LURAP1: variants seen among roughly 807,000 people sequenced by gnomAD.
The protein encoded by LURAP1 is leucine rich adaptor protein 1, also known as NF-kappa-B activator C1orf190.
In LURAP1, 14 loss-of-function variants were observed where a neutral mutation model predicts 19.0. The observed-to-expected ratio is 0.74, with a 90% CI of 0.49 to 1.15. The LOEUF is 1.15. LURAP1 is among the 50% of genes most tolerant of loss of function. LURAP1 has a pLI of 0.00. For synonymous variants in LURAP1, 129 were observed against 131.8 expected, an observed-to-expected ratio of 0.98 and a Z score of 0.14; for missense variants, 273 against 309.1, an observed-to-expected ratio of 0.88 and a Z score of 0.87.
At chr1:46,212,019 C>T (rs960245077) in intron 1 of LURAP1, among the ~76,000 whole-genome samples, 2 of 152,146 alleles carry the variant, frequency 1.3e-5, no homozygotes, top group Non-Finnish European at 2.9e-5. Flanking sequence ...ACCTCGACCT[C>T]CCAAAGTGCC....
intron 1 of LURAP1, among the ~76,000 whole-genome samples, chr1:46,215,711 C>G (rs1659043067): frequency 6.6e-6 from 1 of 152,120 alleles, no homozygotes. Flanking sequence ...CCAGCCTGGG[C>G]AACATAGTGA....
chr1:46,206,906 A>C (rs931253770), intron 1 of LURAP1, among the ~76,000 whole-genome samples: 1 of 152,164 alleles, frequency 6.6e-6, no homozygotes, highest in African/African-American at 2.4e-5. Context: ...GAACATTTCT[A>C]GTACAGGATG....
intron 1 of LURAP1, among the ~76,000 whole-genome samples, chr1:46,215,628 A>G (rs1659040710): frequency 6.6e-6 from 1 of 152,226 alleles, no homozygotes; most frequent in Non-Finnish European, 1.5e-5. Context: ...GCTGGGTGCC[A>G]TGGCACATGC....
At chr1:46,213,247 AAC>A (rs1263716569) in intron 1 of LURAP1, among the ~76,000 whole-genome samples, 4 of 151,482 alleles carry the variant, frequency 2.6e-5, no homozygotes, top group African/African-American at 7.2e-5. Flanking sequence ...ATAAGATTAT[AAC>A]ACAGCATATA....
intron 1 of LURAP1, 114 bp from the exon 2 acceptor site, chr1:46,219,585 C>A: frequency 8.5e-7 from 1 of 1,171,224 alleles, no homozygotes; most frequent in Non-Finnish European, 1.2e-6. Flanking sequence ...CGTTATAATT[C>A]CATCCGTCTT....
At chr1:46,214,603 C>T (rs952760108) in intron 1 of LURAP1, among the ~76,000 whole-genome samples, 2 of 152,036 alleles carry the variant, frequency 1.3e-5, no homozygotes, top group African/African-American at 4.8e-5. Flanking sequence ...TGTGGTGGCT[C>T]ATGCCTGTAA....
intron 1 of LURAP1, among the ~76,000 whole-genome samples, chr1:46,212,181 G>A (rs1431837770): frequency 6.6e-6 from 1 of 152,152 alleles, no homozygotes; most frequent in Admixed American, 6.5e-5. Context: ...TACTGTGTTT[G>A]TGTGACCTGC....
At position 46,212,054 on chromosome 1, in the gene LURAP1, A is replaced by G. The variant is rs72897097; in HGVS notation, c.199-7645A>G. Reference sequence around the variant, plus strand: ...CGGGATTACAGGAGTGAGCTACCACACCTGGCCTCAATGTACAAATATTAA... The same window carrying G: ...CGGGATTACAGGAGTGAGCTACCACGCCTGGCCTCAATGTACAAATATTAA... On this transcript the variant is annotated intron_variant, in intron 1 of 1. Coordinates refer to ENST00000371980, the MANE Select transcript of LURAP1 (RefSeq NM_001013615.3). Among the ~76,000 whole-genome samples, 1,260 of 152,174 alleles carry G rather than the reference A, an allele frequency of 8.3e-3. 20 individuals carry two copies. The highest frequency in any genetic ancestry group is 0.037 in the Middle Eastern group (11 of 294).
intron 1 of LURAP1, 100 bp downstream of exon 1, chr1:46,203,724 A>T (rs922799032): frequency 2.5e-6 from 3 of 1,176,870 alleles, no homozygotes; most frequent in Admixed American, 5.5e-5. Context: ...GAGGTAGTTA[A>T]AACTCTCCAC....
chr1:46,208,063 T>C (rs1658775252), intron 1 of LURAP1, among the ~76,000 whole-genome samples: 1 of 151,990 alleles, frequency 6.6e-6, no homozygotes, highest in African/African-American at 2.4e-5. Context: ...TTTCACCACG[T>C]TGGCCAGGCT....
At chr1:46,217,263 GAATA>G (rs1038589662) in intron 1 of LURAP1, among the ~76,000 whole-genome samples, 3 of 152,134 alleles carry the variant, frequency 2.0e-5, no homozygotes, top group African/African-American at 7.2e-5. Flanking sequence ...TCAGAAGATG[GAATA>G]GATAGAACGT....
At chr1:46,206,227 G>T (rs1458801539) in intron 1 of LURAP1, among the ~76,000 whole-genome samples, 1 of 152,226 alleles carries the variant, frequency 6.6e-6, no homozygotes, top group African/African-American at 2.4e-5. Flanking sequence ...GTCTTGAGCA[G>T]CACTCTGTCT....
intron 1 of LURAP1, among the ~76,000 whole-genome samples, chr1:46,214,325 G>A (rs1658994403): frequency 6.7e-6 from 1 of 149,352 alleles, no homozygotes; most frequent in Admixed American, 6.7e-5. Context: ...CAGCCTGGGT[G>A]ACAGAATGAC....
intron 1 of LURAP1, among the ~76,000 whole-genome samples, chr1:46,216,466 C>T (rs1659075237): frequency 1.3e-5 from 2 of 152,086 alleles, no homozygotes; most frequent in South Asian, 2.1e-4. Flanking sequence ...CTCAGCCTCC[C>T]GAGGAGCTGG....
chr1:46,205,243 G>A (rs560008170), intron 1 of LURAP1, among the ~76,000 whole-genome samples: 1 of 152,002 alleles, frequency 6.6e-6, no homozygotes, highest in Admixed American at 6.6e-5. Flanking sequence ...GGGTGACAGA[G>A]CTCAGAGCTA....
Position 46,220,280 on chromosome 1 carries a change from C to A in LURAP1, c.*60C>A, listed in dbSNP as rs1659200700. 3 of 1,500,188 alleles carry A rather than the reference C, an allele frequency of 2.0e-6. No individual in the cohort carries two copies. The highest frequency in any genetic ancestry group is 2.3e-5 in the East Asian group (1 of 44,018). 92.9% of individuals were successfully genotyped at this position (1,500,188 alleles called of 1,614,324 possible). A position where few individuals can be genotyped will look rare whatever the true frequency, so the allele number is the denominator to read the frequency against. ...TTTATCCATTAGATGTGGTCTCCCC[C>A]AAAATTGATTCTCCCTCAGTCTGAG... On this transcript the variant is annotated 3_prime_UTR_variant, in exon 2 of 2. Coordinates refer to ENST00000371980, the MANE Select transcript of LURAP1 (RefSeq NM_001013615.3).
At chr1:46,207,862 T>A (rs1571683722) in intron 1 of LURAP1, among the ~76,000 whole-genome samples, 1 of 150,626 alleles carries the variant, frequency 6.6e-6, no homozygotes. Context: ...TTAAATTATT[T>A]ATTTATTATC....
At chr1:46,213,615 C>G (rs1483584397) in intron 1 of LURAP1, among the ~76,000 whole-genome samples, 1 of 152,012 alleles carries the variant, frequency 6.6e-6, no homozygotes, top group Non-Finnish European at 1.5e-5. Context: ...TCACAGCACT[C>G]TGGGAGGCTG....
chr1:46,216,048 T>C (rs1659056111), intron 1 of LURAP1, among the ~76,000 whole-genome samples: 1 of 132,842 alleles, frequency 7.5e-6, no homozygotes, highest in African/African-American at 2.8e-5. Context: ...TTTATCTTTT[T>C]TTTTTTTTTT....
Sources: allele counts gnomAD v4.1 joint callset (sites outside exome capture counted in the v4.1 genomes callset), GRCh38; gene constraint gnomAD v4.1.1; transcripts MANE v1.5; gene names NCBI Gene and HGNC (gene_info 2026-07-23, HGNC 2026-07-21).